The following PLD1 variants were observed in gnomAD, a reference collection of about 807,000 sequenced individuals.
PLD1 encodes the protein phospholipase D1.
In PLD1, 112 loss-of-function variants were observed where a neutral mutation model predicts 137.1. The ratio of observed to expected loss-of-function variants is 0.82; its 90% CI spans 0.70 to 0.96. The LOEUF (loss-of-function observed/expected upper bound fraction) is 0.96, where lower values mean the gene tolerates loss of function less well. Among genes scored for constraint, PLD1 ranks in the 40% least tolerant of loss-of-function variants. The pLI is 0.00. For missense variants in PLD1, 1,321 were observed against 1,342.0 expected (o/e 0.98, Z 0.24); for synonymous variants, 431 against 454.7 (o/e 0.95, Z 0.66).
In PLD1 at chr3:171,605,905, T is replaced by C. The variant is rs571635837; in HGVS notation, c.2883-489A>G. On this transcript the variant is annotated intron_variant, in intron 25 of 26. Transcript: ENST00000351298. The stretch of plus-strand genomic sequence containing the variant: ...GACCTGTGCTATTTGGAAAGAGCAA[T>C]AGGAAAATTGGCCTTGTAAGGCTTT... Among the ~76,000 whole-genome samples, 27 of 152,290 alleles carry C rather than the reference T, an allele frequency of 1.8e-4. No individual in the cohort carries two copies. In the South Asian group the frequency reaches 5.6e-3, roughly 32 times the overall value.
At chr3:171,657,343 A>C (rs149252242) in intron 21 of PLD1, among the ~76,000 whole-genome samples, 28 of 152,376 alleles carry the variant, frequency 1.8e-4, no homozygotes, top group African/African-American at 6.7e-4. Flanking sequence ...AAAAGATATC[A>C]AAGTACCACA....
chr3:171,679,950 T>C (rs1713788816), intron 16 of PLD1, among the ~76,000 whole-genome samples: 1 of 152,198 alleles, frequency 6.6e-6, no homozygotes, highest in Non-Finnish European at 1.5e-5. Context: ...AATGATTTCA[T>C]AATTGCACCT....
chr3:171,745,325 G>A (rs1720064570), intron 1 of PLD1, among the ~76,000 whole-genome samples: 1 of 152,224 alleles, frequency 6.6e-6, no homozygotes, highest in South Asian at 2.1e-4. Context: ...TCTCACTGGG[G>A]CCATGGGAGC....
intron 12 of PLD1, among the ~76,000 whole-genome samples, chr3:171,696,376 G>C (rs1044497055): frequency 1.3e-5 from 2 of 152,130 alleles, no homozygotes; most frequent in African/African-American, 4.8e-5. Context: ...AGATCAGAAG[G>C]CCAAAGAAAT....
At chr3:171,683,839 C>CT (rs775907721) in intron 16 of PLD1, among the ~76,000 whole-genome samples, 1 of 152,188 alleles carries the variant, frequency 6.6e-6, no homozygotes, top group Non-Finnish European at 1.5e-5. Flanking sequence ...TCAATAAACA[C>CT]TTATTTAATT....
intron 1 of PLD1, among the ~76,000 whole-genome samples, chr3:171,797,140 C>T (rs948091979): frequency 1.2e-4 from 19 of 152,190 alleles, no homozygotes; most frequent in African/African-American, 4.6e-4. Flanking sequence ...CATATACATT[C>T]TGCACTCTCC....
At chr3:171,682,496 A>C (rs1483696586) in intron 16 of PLD1, among the ~76,000 whole-genome samples, 1 of 152,226 alleles carries the variant, frequency 6.6e-6, no homozygotes, top group African/African-American at 2.4e-5. Context: ...CATTCTCAGG[A>C]AAAGGAAGTC....
intron 23 of PLD1, among the ~76,000 whole-genome samples, chr3:171,639,820 T>TTCTC (rs778938858): frequency 0.01 from 1,207 of 117,966 alleles, 16 homozygotes; most frequent in Middle Eastern, 0.023. Flanking sequence ...TTTACATAAT[T>TTCTC]TCTCTCTCTC....
At chr3:171,802,336 C>G (rs1043327148) in intron 1 of PLD1, among the ~76,000 whole-genome samples, 1 of 152,132 alleles carries the variant, frequency 6.6e-6, no homozygotes, top group African/African-American at 2.4e-5. Flanking sequence ...AGGTGAAAGG[C>G]TGGAACAGGA....
intron 1 of PLD1, among the ~76,000 whole-genome samples, chr3:171,752,055 A>G (rs1000229843): frequency 4.6e-5 from 7 of 152,206 alleles, no homozygotes; most frequent in Non-Finnish European, 7.4e-5. Flanking sequence ...ATATCCATCT[A>G]TCAGAGAATA....
intron 1 of PLD1, among the ~76,000 whole-genome samples, chr3:171,758,518 G>T (rs572813080): frequency 6.6e-6 from 1 of 152,278 alleles, no homozygotes; most frequent in African/African-American, 2.4e-5. Context: ...GACTAGCCTC[G>T]TAGGCATCAT....
chr3:171,679,258 A>G (rs1460469211), intron 16 of PLD1, among the ~76,000 whole-genome samples: 1 of 152,254 alleles, frequency 6.6e-6, no homozygotes, highest in Non-Finnish European at 1.5e-5. Flanking sequence ...AAACTGAATC[A>G]TTAACCTTTC....
intron 8 of PLD1, among the ~76,000 whole-genome samples, chr3:171,719,434 A>C (rs968564943): frequency 2.0e-5 from 3 of 152,248 alleles, no homozygotes; most frequent in African/African-American, 7.2e-5. Flanking sequence ...ATCTTCTAGC[A>C]GCCCAGAGCA....
chr3:171,714,078 G>T (rs1217437384), intron 8 of PLD1, 33 bp from the exon 9 acceptor site: 1 of 1,388,196 alleles, frequency 7.2e-7, no homozygotes, highest in South Asian at 1.2e-5. Context: ...TTTAAAAGTT[G>T]CATTGAGTAA....
chr3:171,695,944 C>T (rs1715655026), intron 12 of PLD1, among the ~76,000 whole-genome samples: 3 of 152,200 alleles, frequency 2.0e-5, no homozygotes, highest in African/African-American at 7.2e-5. Context: ...GTTTGAAGCA[C>T]ATTTTTGAAG....
At chr3:171,682,156 G>C (rs567581061) in intron 16 of PLD1, among the ~76,000 whole-genome samples, 1 of 63,812 alleles carries the variant, frequency 1.6e-5, no homozygotes, top group East Asian at 3.2e-4. Context: ...AAGAAAGAAA[G>C]AAAGAAAGAA....
At chr3:171,773,666 C>T (rs139763742) in intron 1 of PLD1, among the ~76,000 whole-genome samples, 207 of 152,282 alleles carry the variant, frequency 1.4e-3, no homozygotes, top group African/African-American at 4.6e-3. Flanking sequence ...ATAAGCTCTT[C>T]CGATGAGCCA....
chr3:171,631,452 G>A (rs896174270), intron 23 of PLD1, among the ~76,000 whole-genome samples: 1 of 152,104 alleles, frequency 6.6e-6, no homozygotes, highest in Non-Finnish European at 1.5e-5. Context: ...AGAGAGAATA[G>A]GTTTGTGTGT....
At chr3:171,801,717 C>T (rs534638270) in intron 1 of PLD1, among the ~76,000 whole-genome samples, 3 of 152,352 alleles carry the variant, frequency 2.0e-5, no homozygotes, top group African/African-American at 7.2e-5. Context: ...GCATGAGCCA[C>T]TGTGCCCAGC....
Sources: allele counts gnomAD v4.1 joint callset (sites outside exome capture counted in the v4.1 genomes callset), GRCh38; gene constraint gnomAD v4.1.1; transcripts MANE v1.5; gene names NCBI Gene and HGNC (gene_info 2026-07-23, HGNC 2026-07-21).